The following CFAP161 variants were observed in gnomAD, a reference collection of about 807,000 sequenced individuals.
CFAP161 encodes the protein cilia and flagella associated protein 161.
In CFAP161, 25 loss-of-function variants were observed where a neutral mutation model predicts 29.0. The observed-to-expected ratio is 0.86, with a 90% CI of 0.63 to 1.20. CFAP161 has a LOEUF of 1.20. Ranked by LOEUF, CFAP161 falls within the 50% of genes most tolerant of loss-of-function variation. The pLI is 0.00. For synonymous variants in CFAP161, 116 were observed against 137.4 expected (o/e 0.84, Z 1.09); for missense variants, 367 against 371.9 (o/e 0.99, Z 0.11).
At chr15:81,143,172 G>T (rs1271051335) in intron 4 of CFAP161, among the ~76,000 whole-genome samples, 1 of 152,064 alleles carries the variant, frequency 6.6e-6, no homozygotes, top group East Asian at 1.9e-4. Context: ...AATCAGCTGG[G>T]CATGGCAGTG....
At chr15:81,121,365 G>C (rs559746607) in intron 1 of CFAP161, among the ~76,000 whole-genome samples, 1 of 151,898 alleles carries the variant, frequency 6.6e-6, no homozygotes, top group South Asian at 2.1e-4. Flanking sequence ...TCTGCTACTT[G>C]CTGGTTCCAT....
intron 3 of CFAP161, among the ~76,000 whole-genome samples, chr15:81,137,592 A>G (rs1894834301): frequency 6.6e-6 from 1 of 152,200 alleles, no homozygotes; most frequent in Non-Finnish European, 1.5e-5. Flanking sequence ...AAGAATATAT[A>G]GACAGTTCTT....
intron 1 of CFAP161, among the ~76,000 whole-genome samples, chr15:81,120,896 G>C (rs1337454603): frequency 6.6e-6 from 1 of 152,174 alleles, no homozygotes; most frequent in African/African-American, 2.4e-5. Context: ...AATAGAAACT[G>C]TCTGTAGTTT....
chr15:81,145,774 G>T (rs895433367), intron 5 of CFAP161, among the ~76,000 whole-genome samples: 1 of 152,238 alleles, frequency 6.6e-6, no homozygotes, highest in African/African-American at 2.4e-5. Context: ...ACTTATTGCA[G>T]TGAGGGAGAA....
intron 1 of CFAP161, among the ~76,000 whole-genome samples, chr15:81,115,564 A>C (rs12593687): frequency 0.17 from 25,317 of 152,180 alleles, 2,941 homozygotes; most frequent in African/African-American, 0.33. Flanking sequence ...CGTACTTCTG[A>C]AGACATTTAA....
intron 4 of CFAP161, among the ~76,000 whole-genome samples, chr15:81,141,018 T>C (rs1321245208): frequency 1.3e-5 from 2 of 152,260 alleles, no homozygotes; most frequent in Non-Finnish European, 1.5e-5. Context: ...CTGAATTATG[T>C]TAGGAATTAA....
intron 1 of CFAP161, among the ~76,000 whole-genome samples, chr15:81,134,959 A>C (rs1181645717): frequency 6.6e-6 from 1 of 152,230 alleles, no homozygotes; most frequent in East Asian, 1.9e-4. Context: ...AGTGTCAGTC[A>C]TCATACGGTC....
intron 1 of CFAP161, among the ~76,000 whole-genome samples, chr15:81,113,872 G>C (rs1212975938): frequency 1.3e-5 from 2 of 152,174 alleles, no homozygotes; most frequent in African/African-American, 4.8e-5. Context: ...CTGGTGGCCA[G>C]TCCCATCACG....
chr15:81,123,195 C>T (rs1274207835), intron 1 of CFAP161, among the ~76,000 whole-genome samples: 6 of 152,040 alleles, frequency 3.9e-5, no homozygotes, highest in African/African-American at 1.5e-4. Flanking sequence ...GTCTTTAATC[C>T]ATCTTGAGTT....
rs192745188 is a variant in CFAP161 at position 81,106,465 on chromosome 15, C to T, written c.-141-21125C>T. Among the ~76,000 whole-genome samples the T allele has an allele frequency of 1.1e-4, 17 of 152,258 alleles. No individual in the cohort carries two copies. In the East Asian group the frequency reaches 2.5e-3, roughly 23 times the overall value. ...GATTACAGGCATGAGCCACCGTGCC[C>T]GGCTGGCTTTTAACCTCGGTGTTTA... On this transcript the variant is annotated intron_variant, in intron 1 of 4. Transcript: ENST00000560091.
In CFAP161 at chr15:81,148,394, G is replaced by T. The variant is rs1236808896; in HGVS notation, c.767G>T (p.Arg256Ile). The change falls in exon 7 of 7, where the codon AGA becomes ATA. Residue 256 changes from arginine (R) to isoleucine (I), a missense_variant. Physicochemically the swap from Arg to Ile is moderately conservative, Grantham distance 97. Coordinates refer to ENST00000286732, the MANE Select transcript of CFAP161 (RefSeq NM_173528.4). ...GCTCACACATACCTGGATTCACATA[G>T]AGTTGAGAAACCAAGGAACCACTGG... Reference protein sequence around the residue: ...VVAHTYLDSHRVEKPRNHWML... With the variant: ...VVAHTYLDSHIVEKPRNHWML... The T allele has an allele frequency of 1.9e-6, 3 of 1,614,054 alleles. No individual in the cohort carries two copies. Among genetic ancestry groups the T allele is most frequent in the Admixed American group, 3.3e-5 (2 of 60,002 alleles).
chr15:81,142,106 C>G (rs544810622), intron 4 of CFAP161, among the ~76,000 whole-genome samples: 17 of 152,166 alleles, frequency 1.1e-4, no homozygotes, highest in African/African-American at 3.9e-4. Context: ...ATTACCAGGT[C>G]TCTTCCGCTG....
intron 1 of CFAP161, among the ~76,000 whole-genome samples, chr15:81,120,475 T>C (rs1212839267): frequency 6.6e-6 from 1 of 152,166 alleles, no homozygotes; most frequent in East Asian, 1.9e-4. Context: ...GAAAAAAATG[T>C]TACAGCCATT....
In CFAP161 at chr15:81,105,263, CTCTT is replaced by C. The variant is rs1205151923; in HGVS notation, c.-141-22317_-141-22314del. On this transcript the variant is annotated intron_variant, in intron 1 of 4. Transcript: ENST00000560091. ...TTCTCTCTCTCTCTCCTTCCTCTTT[CTCTT>C]TCTTTCTTTTTCTTTTTTCCTTCCT... Among the ~76,000 whole-genome samples, 31 of 108,128 alleles carry C rather than the reference CTCTT, an allele frequency of 2.9e-4. No individual in the cohort carries two copies. The South Asian group carries it at 5.5e-3, about 19-fold the overall frequency. The allele number at this position is 108,128 out of a possible 152,430, so 70.9% of individuals were successfully genotyped here.
intron 1 of CFAP161, among the ~76,000 whole-genome samples, chr15:81,125,708 A>G (rs182163910): frequency 9.8e-4 from 150 of 152,318 alleles, no homozygotes; most frequent in Middle Eastern, 6.8e-3. Flanking sequence ...GACCAACGAC[A>G]TCAGATTTTA....
intron 1 of CFAP161, 43 bp from the exon 2 acceptor site, chr15:81,135,227 C>A: frequency 8.1e-7 from 1 of 1,237,956 alleles, no homozygotes; most frequent in Non-Finnish European, 1.1e-6. Flanking sequence ...TTAATACTAA[C>A]ATCTATATTA....
chr15:81,125,955 C>T (rs1478522204), intron 1 of CFAP161, among the ~76,000 whole-genome samples: 2 of 152,102 alleles, frequency 1.3e-5, no homozygotes, highest in African/African-American at 4.8e-5. Context: ...CTGCAACCTC[C>T]GTCTCCCGGG....
At chr15:81,099,698 T>TA (rs1894280565) in intron 1 of CFAP161, among the ~76,000 whole-genome samples, 1 of 152,148 alleles carries the variant, frequency 6.6e-6, no homozygotes, top group South Asian at 2.1e-4. Context: ...TTACTACCCT[T>TA]AGAACATTAC....
intron 1 of CFAP161, among the ~76,000 whole-genome samples, chr15:81,114,809 A>G (rs530200572): frequency 1.8e-4 from 27 of 152,086 alleles, no homozygotes; most frequent in African/African-American, 4.1e-4. Flanking sequence ...GACTGCAGGC[A>G]CCCACCACCA....
Sources: allele counts gnomAD v4.1 joint callset (sites outside exome capture counted in the v4.1 genomes callset), GRCh38; gene constraint gnomAD v4.1.1; transcripts MANE v1.5; gene names NCBI Gene and HGNC (gene_info 2026-07-23, HGNC 2026-07-21).